The following MTG2 variants were observed in gnomAD, a reference collection of about 807,000 sequenced individuals.
The protein encoded by MTG2 is mitochondrial ribosome associated GTPase 2.
Under a neutral mutation model 28.6 loss-of-function variants are expected in MTG2, and 23 were observed. The ratio of observed to expected loss-of-function variants is 0.80; its 90% confidence interval spans 0.58 to 1.14. MTG2 has a LOEUF of 1.14. Ranked by LOEUF, MTG2 falls within the 50% of genes most tolerant of loss-of-function variation. MTG2 has a pLI of 0.00. For synonymous variants in MTG2, 260 were observed against 251.8 expected, an observed-to-expected ratio of 1.03 and a Z score of -0.31; for missense variants, 539 against 552.0, an observed-to-expected ratio of 0.98 and a Z score of 0.24.
Position 62,199,418 on chromosome 20 carries a change from G to A in MTG2, c.826+161G>A. ...CCCAGCACTTTGGGAGGCCGAGGCA[G>A]GCGGATCACGAGGTCAGGAGATCGA... On this transcript the variant is annotated intron_variant, in intron 6 of 6. Transcript: ENST00000370823. The A allele has an allele frequency of 5.0e-6, 4 of 796,820 alleles. No individual in the cohort carries two copies. The South Asian group carries it at 7.7e-5, about 15-fold the overall frequency. 49.4% of individuals were successfully genotyped at this position (796,820 alleles called of 1,614,324 possible).
chr20:62,199,594 C>T (rs528591555), intron 6 of MTG2, among the ~76,000 whole-genome samples: 54 of 144,676 alleles, frequency 3.7e-4, no homozygotes, highest in African/African-American at 1.3e-3. Flanking sequence ...TGCAGTGAGC[C>T]GAGATCATGC....
chr20:62,201,436 G>A lies in MTG2; in HGVS notation c.*359G>A, dbSNP rs1438146787. ...ACTCTCGGATGAGCTCAGCAGAACC[G>A]CACAGCCAGAGCCCCAGGTCAGAAG... On this transcript the variant is annotated 3_prime_UTR_variant, in exon 7 of 7. Coordinates refer to ENST00000370823, the MANE Select transcript of MTG2 (RefSeq NM_015666.4). The A allele has an allele frequency of 2.1e-5, 5 of 237,792 alleles. 1 individual carries two copies. The highest frequency in any genetic ancestry group is 4.5e-5 in the African/African-American group (2 of 44,240). 14.7% of individuals were successfully genotyped at this position (237,792 alleles called of 1,614,324 possible).
rs1177126463 is a variant in MTG2 at position 62,197,870 on chromosome 20, C to T, written c.371C>T (p.Ser124Phe). 3 of 1,614,214 alleles carry T rather than the reference C, an allele frequency of 1.9e-6. No individual in the cohort carries two copies. In the Admixed American group the frequency reaches 5.0e-5, roughly 27 times the overall value. The stretch of plus-strand genomic sequence containing the variant: ...GCTTTAGTTGACCAGCAAGTCAAGT[C>T]CCTGTCGTCGGTCCTGTCGCGGTAC... ...VILRVDQQVK[S>F]LSSVLSRYQG... is the part of the protein sequence containing the mutation. The change falls in exon 4 of 7, where the codon TCC becomes TTC. Residue 124 changes from serine (S) to phenylalanine (F), a missense_variant. Physicochemically the swap from Ser to Phe is radical, Grantham distance 155. Transcript: ENST00000370823.
chr20:62,201,053 G>C lies in MTG2; in HGVS notation c.1197G>C (p.Gln399His), dbSNP rs926210125. Residue 399 changes from glutamine to histidine, a missense_variant, in exon 7 of 7, where the codon CAG becomes CAC. By Grantham distance (24) the Gln-to-His change is conservative. Transcript: ENST00000370823. ...YDAYAEAELG[Q>H]GRQPLRW is the part of the protein sequence containing the mutation. ...CCTACGCGGAGGCCGAGCTGGGCCA[G>C]GGCCGCCAGCCGCTCAGGTGGTAGC... 1.3e-6 allele frequency: 2 copies of C among 1,598,304 alleles called. No individual in the cohort carries two copies. The highest frequency in any genetic ancestry group is 2.7e-5 in the African/African-American group (2 of 74,834).
intron 2 of MTG2, among the ~76,000 whole-genome samples, chr20:62,194,301 T>A (rs1006534936): frequency 5.9e-5 from 9 of 152,168 alleles, no homozygotes; most frequent in Admixed American, 3.9e-4. Flanking sequence ...CAGATAAGCA[T>A]TACTGGGACA....
chr20:62,185,000 C>T (rs1331954894), intron 1 of MTG2, among the ~76,000 whole-genome samples: 2 of 151,638 alleles, frequency 1.3e-5, no homozygotes, highest in East Asian at 3.9e-4. Context: ...ATCCCAGGTA[C>T]TCGGGAGGCT....
At position 62,193,538 on chromosome 20, in the gene MTG2, T is replaced by C; in HGVS notation, c.118T>C (p.Ser40Pro). Residue 40 changes from serine (S) to proline (P), a missense_variant, in exon 2 of 7, where the codon TCT (serine) becomes CCT (proline). By Grantham distance (74) the Ser-to-Pro change is moderately conservative. Transcript: ENST00000370823. ...CAGCCGGCTACTGCCACAGCGGGCT[T>C]CTCCCAGGCTGCTCTCGGTCGGCCG... is the stretch of plus-strand genomic sequence containing the variant. ...KPSRLLPQRASPRLLSVGRAD... is the reference protein window; with the variant it reads ...KPSRLLPQRAPPRLLSVGRAD... 1 of 1,614,002 alleles carries C rather than the reference T, an allele frequency of 6.2e-7. No homozygotes were observed. Among genetic ancestry groups the C allele is most frequent in the Non-Finnish European group, 8.5e-7 (1 of 1,180,002 alleles).
At position 62,196,554 on chromosome 20, in the gene MTG2, C is replaced by T. The variant is rs143386079; in HGVS notation, c.352+605C>T. ...AGATGTGGTGGCACACACTGATAGTCCCAGCTACTTGGGGCTGAAGCAGGA... is the reference window on the plus strand; with the variant it reads ...AGATGTGGTGGCACACACTGATAGTTCCAGCTACTTGGGGCTGAAGCAGGA... On this transcript the variant is annotated intron_variant, in intron 3 of 6. Coordinates refer to ENST00000370823, the MANE Select transcript of MTG2 (RefSeq NM_015666.4). 1.1e-4 allele frequency among the ~76,000 whole-genome samples: 17 copies of T among 150,836 alleles called. No homozygotes were observed. The East Asian group carries it at 3.3e-3, about 30-fold the overall frequency.
chr20:62,196,751 G>A (rs760670076), intron 3 of MTG2, among the ~76,000 whole-genome samples: 11 of 148,442 alleles, frequency 7.4e-5, no homozygotes, highest in South Asian at 2.1e-4. Flanking sequence ...ATATTCAGCC[G>A]GGCGTGGTGG....
rs375643584 is a variant in MTG2 at position 62,198,679 on chromosome 20, G to A, written c.514G>A (p.Asp172Asn). ...GAAGGAGGGAGGCAGAGTTGTGGCC[G>A]ACCTGTCTTGCGTGGGAGATGAGTA... ...LVKEGGRVVA[D>N]LSCVGDEYIA... Residue 172 changes from aspartate (D) to asparagine (N), a missense_variant, in exon 5 of 7, where the codon GAC (aspartate) becomes AAC (asparagine). Asp to Asn is a conservative substitution (Grantham distance 23). Coordinates refer to ENST00000370823, the MANE Select transcript of MTG2 (RefSeq NM_015666.4). 1.4e-5 allele frequency: 23 copies of A among 1,613,954 alleles called. No homozygotes were observed. The highest frequency in any genetic ancestry group is 2.7e-5 in the African/African-American group (2 of 74,948).
intron 1 of MTG2, among the ~76,000 whole-genome samples, chr20:62,187,183 C>G (rs532325429): frequency 5.3e-5 from 8 of 152,114 alleles, no homozygotes; most frequent in Non-Finnish European, 1.2e-4. Context: ...TTGATGTGGC[C>G]TTGTGTTCTG....
chr20:62,188,567 G>C (rs558446705), intron 1 of MTG2, among the ~76,000 whole-genome samples: 1 of 124,804 alleles, frequency 8.0e-6, no homozygotes, highest in African/African-American at 3.2e-5. Context: ...TGCCCAGGCT[G>C]TTCTCAAATT....
chr20:62,199,641 A>G (rs1172960325), intron 6 of MTG2, among the ~76,000 whole-genome samples: 7 of 118,850 alleles, frequency 5.9e-5, no homozygotes, highest in Middle Eastern at 8.5e-3. Flanking sequence ...GCGAAACTCC[A>G]TCTCAAAAAA....
Position 62,198,800 on chromosome 20 carries a change from G to A in MTG2, c.635G>A (p.Gly212Glu). 1 of 1,614,156 alleles carries A rather than the reference G, an allele frequency of 6.2e-7. No individual in the cohort carries two copies. The highest frequency in any genetic ancestry group is 8.5e-7 in the Non-Finnish European group (1 of 1,180,046). ...APVTCTPGQP[G>E]QQRVLHLELK... ...GTGACCTGTACCCCTGGACAGCCAG[G>A]ACAGCAGCGAGTTCTCCACCTGGAG... is the stretch of plus-strand genomic sequence containing the variant. The change falls in exon 5 of 7, where the codon GGA becomes GAA. Residue 212 changes from glycine to glutamate, a missense_variant. Transcript: ENST00000370823.
chr20:62,185,173 G>A (rs1301887967), intron 1 of MTG2, among the ~76,000 whole-genome samples: 1 of 151,960 alleles, frequency 6.6e-6, no homozygotes, highest in Non-Finnish European at 1.5e-5. Context: ...CAGCAATTTG[G>A]GAGGCTGAGG....
At chr20:62,189,429 C>T (rs1356397327) in intron 1 of MTG2, among the ~76,000 whole-genome samples, 1 of 152,160 alleles carries the variant, frequency 6.6e-6, no homozygotes, top group Non-Finnish European at 1.5e-5. Context: ...CCCACCTCAG[C>T]CTCCAAAGTA....
chr20:62,198,207 G>T, intron 4 of MTG2: 1 of 551,222 alleles, frequency 1.8e-6, no homozygotes, highest in East Asian at 3.0e-5. Context: ...GTCATGAAAC[G>T]ATTCTCTTTT....
rs1219454441 is a variant in MTG2, at chr20:62,191,608, G to A, written c.-5-1808G>A. Among the ~76,000 whole-genome samples the A allele has an allele frequency of 3.3e-5, 5 of 152,266 alleles. No homozygotes were observed. The South Asian group carries it at 6.2e-4, about 19-fold the overall frequency. On this transcript the variant is annotated intron_variant, in intron 1 of 6. Transcript: ENST00000370823. ...TGAGGCTGGGGAGAGGGAGGCGTCC[G>A]AGGCACTGCGAGGGAGGAGGCAGGC...
At position 62,203,353 on chromosome 20, in the gene MTG2, A is replaced by G. The variant is rs1241731685; in HGVS notation, c.*2276A>G. On this transcript the variant is annotated 3_prime_UTR_variant, in exon 7 of 7. Coordinates refer to ENST00000370823, the MANE Select transcript of MTG2 (RefSeq NM_015666.4). ...GTTGCCCAGAACTTTCCTTGCTGCA[A>G]AAAGCCCCAAGACTTCTCCCTGCCA... is the stretch of plus-strand genomic sequence containing the variant. The G allele has an allele frequency of 2.0e-5, 3 of 152,206 alleles. No individual in the cohort carries two copies. The highest frequency in any genetic ancestry group is 7.2e-5 in the African/African-American group (3 of 41,450). 9.4% of individuals were successfully genotyped at this position (152,206 alleles called of 1,614,324 possible).
Sources: gnomAD v4.1 joint callset for allele counts (sites outside exome capture counted in the v4.1 genomes callset) on GRCh38, gnomAD v4.1.1 for gene constraint, MANE v1.5 for transcripts, NCBI Gene and HGNC (gene_info 2026-07-23, HGNC 2026-07-21) for gene names.